RBFOX1: variants seen among roughly 807,000 people sequenced by gnomAD.
RBFOX1 encodes the protein RNA binding fox-1 homolog 1.
In RBFOX1, 8 loss-of-function variants were observed where a neutral mutation model predicts 57.7. The observed-to-expected ratio is 0.14, with a 90% CI of 0.08 to 0.25. The LOEUF (loss-of-function observed/expected upper bound fraction) is 0.25. RBFOX1 is among the 10% of genes least tolerant of loss of function. The pLI is 1.00. For missense variants in RBFOX1, 611 were observed against 548.5 expected (o/e 1.11, Z -1.14); for synonymous variants, 326 against 222.4 (o/e 1.47, Z -4.15).
chr16:7,426,390 C>T (rs920102001), intron 4 of RBFOX1, among the ~76,000 whole-genome samples: 1 of 152,190 alleles, frequency 6.6e-6, no homozygotes, highest in Non-Finnish European at 1.5e-5. Flanking sequence ...TGGGCACAGG[C>T]TGCCGAATTG....
intron 1 of RBFOX1, among the ~76,000 whole-genome samples, chr16:5,432,559 G>GTTTTTTTTTTTTTTTTTGTTTTTTTTT (rs35344614): frequency 3.2e-5 from 3 of 94,228 alleles, no homozygotes; most frequent in Non-Finnish European, 4.1e-5. Flanking sequence ...TTGTTTGTTT[G>GTTTTTTTTTTTTTTTTTGTTTTTTTTT]TTTTTTTTTT....
intron 2 of RBFOX1, among the ~76,000 whole-genome samples, chr16:6,531,849 C>A (rs2096662432): frequency 6.6e-6 from 1 of 152,190 alleles, no homozygotes; most frequent in Non-Finnish European, 1.5e-5. Flanking sequence ...ACAGTCTCAA[C>A]TTTGTGGACC....
At chr16:5,871,439 C>A (rs1455891823) in intron 4 of RBFOX1, among the ~76,000 whole-genome samples, 2 of 152,210 alleles carry the variant, frequency 1.3e-5, no homozygotes, top group African/African-American at 2.4e-5. Flanking sequence ...TGCATGGTTC[C>A]ATTTTGTTCC....
intron 4 of RBFOX1, among the ~76,000 whole-genome samples, chr16:5,970,110 C>A (rs911717433): frequency 1.3e-5 from 2 of 152,124 alleles, no homozygotes; most frequent in African/African-American, 4.8e-5. Flanking sequence ...GTTGAGTCTG[C>A]CGCATGACCT....
chr16:6,878,286 A>C (rs935969811), intron 3 of RBFOX1, among the ~76,000 whole-genome samples: 8 of 152,204 alleles, frequency 5.3e-5, no homozygotes, highest in African/African-American at 1.4e-4. Flanking sequence ...CCATGAGAGC[A>C]GTTCTGGCTA....
chr16:6,825,029 C>T (rs550475464), intron 3 of RBFOX1, among the ~76,000 whole-genome samples: 2 of 87,868 alleles, frequency 2.3e-5, no homozygotes, highest in African/African-American at 7.7e-5. Context: ...CGGCGTCTGG[C>T]TCTGTCACCC....
chr16:6,081,538 C>T (rs1229857936), intron 1 of RBFOX1, among the ~76,000 whole-genome samples: 2 of 152,176 alleles, frequency 1.3e-5, no homozygotes, highest in African/African-American at 4.8e-5. Context: ...CTCTCTGCTG[C>T]CCCCTGTTGC....
chr16:5,572,214 C>G (rs1021053192), intron 2 of RBFOX1, among the ~76,000 whole-genome samples: 5 of 152,172 alleles, frequency 3.3e-5, no homozygotes, highest in East Asian at 1.9e-4. Flanking sequence ...GAGACTTATA[C>G]TTCTGTGGCT....
intron 3 of RBFOX1, among the ~76,000 whole-genome samples, chr16:6,804,326 C>G (rs749663294): frequency 2.0e-5 from 3 of 152,096 alleles, no homozygotes; most frequent in Admixed American, 1.3e-4. Flanking sequence ...CAAATTTTAA[C>G]TCCAGGGTAA....
chr16:7,456,003 A>G (rs1448808356), intron 4 of RBFOX1, among the ~76,000 whole-genome samples: 1 of 152,058 alleles, frequency 6.6e-6, no homozygotes, highest in African/African-American at 2.4e-5. Flanking sequence ...GCCAGCTTTA[A>G]GGGCACATTC....
chr16:6,758,994 C>T (rs1042589708), intron 3 of RBFOX1, among the ~76,000 whole-genome samples: 5 of 152,082 alleles, frequency 3.3e-5, no homozygotes, highest in Non-Finnish European at 7.3e-5. Flanking sequence ...TAAATCTATT[C>T]AGACAATGAT....
intron 4 of RBFOX1, among the ~76,000 whole-genome samples, chr16:7,446,018 C>A (rs1292069654): frequency 6.6e-6 from 1 of 152,136 alleles, no homozygotes; most frequent in Non-Finnish European, 1.5e-5. Context: ...GCCTGCCCAA[C>A]AATTTGTAGC....
intron 3 of RBFOX1, among the ~76,000 whole-genome samples, chr16:6,807,792 G>C (rs2154263485): frequency 6.6e-6 from 1 of 152,008 alleles, no homozygotes; most frequent in Middle Eastern, 3.4e-3. Context: ...CTCCAGCCTG[G>C]TGACAGAGCG....
intron 4 of RBFOX1, among the ~76,000 whole-genome samples, chr16:7,132,939 C>T (rs1266049533): frequency 6.6e-6 from 1 of 152,156 alleles, no homozygotes; most frequent in Non-Finnish European, 1.5e-5. Context: ...CATTTTTTCA[C>T]TTGTGATTCT....
At chr16:5,272,441 C>T (rs1187006736) in intron 1 of RBFOX1, among the ~76,000 whole-genome samples, 7 of 152,138 alleles carry the variant, frequency 4.6e-5, no homozygotes, top group Non-Finnish European at 1.0e-4. Context: ...TGCTCTCAGG[C>T]CCACAGAGTC....
rs573333735 is a variant in RBFOX1 at position 5,608,983 on chromosome 16, C to G, written c.318+10022C>G. On this transcript the variant is annotated intron_variant, in intron 3 of 19. Transcript: ENST00000641259. ...TTCCCCCCATATCCATTTCGCCAAT[C>G]CATGCCAAATATTGATGTTTGATAA... 8.5e-5 allele frequency among the ~76,000 whole-genome samples: 13 copies of G among 152,294 alleles called. No individual in the cohort carries two copies. The South Asian group carries it at 2.5e-3, about 29-fold the overall frequency.
intron 4 of RBFOX1, among the ~76,000 whole-genome samples, chr16:7,054,235 T>TGGGGG (rs2051220953): frequency 1.7e-5 from 1 of 60,470 alleles, no homozygotes; most frequent in African/African-American, 6.0e-5. Flanking sequence ...GCGGGGAGCT[T>TGGGGG]TTTTTTTTTT....
chr16:6,744,057 G>A (rs1224236001), intron 3 of RBFOX1, among the ~76,000 whole-genome samples: 1 of 152,034 alleles, frequency 6.6e-6, no homozygotes, highest in Admixed American at 6.6e-5. Flanking sequence ...GATACAGAAT[G>A]TGATCACTAA....
chr16:5,621,098 C>T (rs1183735492), intron 3 of RBFOX1, among the ~76,000 whole-genome samples: 2 of 152,176 alleles, frequency 1.3e-5, no homozygotes, highest in Non-Finnish European at 2.9e-5. Flanking sequence ...CCTTGGCCTC[C>T]CAAAGTGCTG....
Sources: gnomAD v4.1 joint callset for allele counts (sites outside exome capture counted in the v4.1 genomes callset) on GRCh38, gnomAD v4.1.1 for gene constraint, MANE v1.5 for transcripts, NCBI Gene and HGNC (gene_info 2026-07-23, HGNC 2026-07-21) for gene names.